The following FUT8 variants were observed in gnomAD, a reference collection of about 807,000 sequenced individuals.
The protein encoded by FUT8 is fucosyltransferase 8, also known as alpha-(1,6)-fucosyltransferase.
A neutral mutation model predicts 71.3 loss-of-function variants in FUT8; 29 were observed. That is an observed-to-expected ratio of 0.41 (90% CI 0.30 to 0.55). The LOEUF (loss-of-function observed/expected upper bound fraction) is 0.55, where lower values mean the gene tolerates loss of function less well. FUT8 is among the 20% of genes least tolerant of loss of function. FUT8 has a pLI of 0.34. For synonymous variants in FUT8, 254 were observed against 239.3 expected, an observed-to-expected ratio of 1.06 and a Z score of -0.57; for missense variants, 544 against 702.1, an observed-to-expected ratio of 0.77 and a Z score of 2.55.
chr14:65,611,301 A>ACACACACACACACACACCC (rs1434787404), intron 3 of FUT8, among the ~76,000 whole-genome samples: 1 of 38,592 alleles, frequency 2.6e-5, no homozygotes, highest in African/African-American at 1.4e-4. Flanking sequence ...ACACACACAC[A>ACACACACACACACACACCC]CCCCCCAAGT....
At chr14:65,486,397 T>C (rs926467969) in intron 2 of FUT8, among the ~76,000 whole-genome samples, 1 of 152,222 alleles carries the variant, frequency 6.6e-6, no homozygotes, top group Non-Finnish European at 1.5e-5. Context: ...AGGAGTACAA[T>C]TGTTTTAACT....
chr14:65,696,701 A>G (rs946694411), intron 7 of FUT8, among the ~76,000 whole-genome samples: 1 of 151,982 alleles, frequency 6.6e-6, no homozygotes, highest in Non-Finnish European at 1.5e-5. Flanking sequence ...CTCCCATTAC[A>G]TGTATGTCCA....
chr14:65,677,013 T>C (rs543380722), intron 7 of FUT8, among the ~76,000 whole-genome samples: 17 of 152,188 alleles, frequency 1.1e-4, no homozygotes, highest in African/African-American at 2.9e-4. Flanking sequence ...CCGTGATCTT[T>C]AGTGGAGTTA....
chr14:65,618,026 T>A (rs1229890935), intron 5 of FUT8, among the ~76,000 whole-genome samples: 1 of 74,738 alleles, frequency 1.3e-5, no homozygotes, highest in Non-Finnish European at 2.5e-5. Context: ...TATATATATA[T>A]ATATATATAT....
intron 3 of FUT8, among the ~76,000 whole-genome samples, chr14:65,593,967 C>T (rs1887827353): frequency 6.6e-6 from 1 of 152,250 alleles, no homozygotes; most frequent in Non-Finnish European, 1.5e-5. Context: ...ACCTTGGCCT[C>T]CCAAAGTGCT....
chr14:65,441,235 G>C (rs1216664094), intron 1 of FUT8, among the ~76,000 whole-genome samples: 1 of 152,148 alleles, frequency 6.6e-6, no homozygotes, highest in African/African-American at 2.4e-5. Flanking sequence ...CTACTGTAGA[G>C]GATGTTTGTG....
the FUT8 span, among the ~76,000 whole-genome samples, chr14:65,364,853 T>C: frequency 6.6e-6 from 1 of 152,154 alleles, no homozygotes; most frequent in Non-Finnish European, 1.5e-5. Flanking sequence ...TTAACTTCAT[T>C]TTCCGCAGTG....
intron 2 of FUT8, among the ~76,000 whole-genome samples, chr14:65,526,605 A>G (rs1234507956): frequency 2.6e-5 from 4 of 152,142 alleles, no homozygotes; most frequent in Admixed American, 6.5e-5. Flanking sequence ...TCCTGTCATT[A>G]TGATGTTAGC....
At chr14:65,733,897 A>G (rs994354132) in intron 10 of FUT8, among the ~76,000 whole-genome samples, 1 of 152,194 alleles carries the variant, frequency 6.6e-6, no homozygotes, top group Non-Finnish European at 1.5e-5. Flanking sequence ...TTTAAGCAAT[A>G]TAATATCACA....
intron 1 of FUT8, among the ~76,000 whole-genome samples, chr14:65,419,834 A>G (rs966633864): frequency 1.3e-5 from 2 of 152,206 alleles, no homozygotes; most frequent in Non-Finnish European, 2.9e-5. Context: ...CAACAGCGTG[A>G]GAAATGTAGA....
rs149553178 is a variant in FUT8, at chr14:65,700,797, A to G, written c.836-20978A>G. ...ATTTGGATTTTTGTAAGCTTTGAAC[A>G]TACTGCCTCTCAGCGTTCATCTTTT... On this transcript the variant is annotated intron_variant, in intron 7 of 10. Transcript: ENST00000673929. Among the ~76,000 whole-genome samples, 281 of 152,330 alleles carry G rather than the reference A, an allele frequency of 1.8e-3. 3 individuals are homozygous for G. The East Asian group carries it at 0.036, about 20-fold the overall frequency.
chr14:65,515,029 G>T (rs1414435552), intron 2 of FUT8, among the ~76,000 whole-genome samples: 1 of 147,682 alleles, frequency 6.8e-6, no homozygotes, highest in Non-Finnish European at 1.5e-5. Context: ...CTTGGTTGTG[G>T]AATCAAATTA....
At chr14:65,665,380 C>G (rs2140360517) in intron 6 of FUT8, among the ~76,000 whole-genome samples, 1 of 152,152 alleles carries the variant, frequency 6.6e-6, no homozygotes, top group Middle Eastern at 3.4e-3. Flanking sequence ...ATGTATGCAA[C>G]TTTGAATTCA....
chr14:65,659,309 C>T (rs995590555), intron 6 of FUT8, among the ~76,000 whole-genome samples: 12 of 151,718 alleles, frequency 7.9e-5, no homozygotes, highest in Non-Finnish European at 1.0e-4. Flanking sequence ...ACAAAGACTC[C>T]GTCTTCGAGA....
chr14:65,508,491 G>GGTTTTT (rs1555366315), intron 2 of FUT8, among the ~76,000 whole-genome samples: 6 of 46,500 alleles, frequency 1.3e-4, no homozygotes, highest in East Asian at 1.0e-3. Context: ...AGTTGTTTGA[G>GGTTTTT]TTTTTTTTTT....
intron 7 of FUT8, among the ~76,000 whole-genome samples, chr14:65,715,974 C>CAAA (rs36028848): frequency 7.3e-4 from 93 of 126,996 alleles, no homozygotes; most frequent in African/African-American, 2.6e-3. Flanking sequence ...GACCCTCTCT[C>CAAA]AAAAAAAAAA....
chr14:65,688,957 T>G (rs1313497401), intron 7 of FUT8, among the ~76,000 whole-genome samples: 2 of 152,174 alleles, frequency 1.3e-5, no homozygotes, highest in East Asian at 3.8e-4. Context: ...AATTCCATCA[T>G]GGGAACTCTA....
the FUT8 span, among the ~76,000 whole-genome samples, chr14:65,376,758 T>G: frequency 6.6e-6 from 1 of 152,100 alleles, no homozygotes; most frequent in Non-Finnish European, 1.5e-5. Context: ...AGCAGACAAG[T>G]TCATCTTCAA....
rs559354148 is a variant in FUT8 at position 65,550,187 on chromosome 14, A to C, written c.-227-11150A>C. ...GAAACTTCCTCTCATGGTAGAAGGC[A>C]AAGGGGGAGCCAGCGTATCACATGG... On this transcript the variant is annotated intron_variant, in intron 2 of 10. Coordinates refer to ENST00000673929, the MANE Select transcript of FUT8 (RefSeq NM_001371533.1). The surrounding 1 kb of genome is among the most constrained non-coding windows in gnomAD (Gnocchi z 4.5). Among the ~76,000 whole-genome samples the C allele has an allele frequency of 6.6e-6, 1 of 152,296 alleles. No individual in the cohort carries two copies. Among genetic ancestry groups the C allele is most frequent in the Admixed American group, 6.5e-5 (1 of 15,304 alleles).
Sources: allele counts gnomAD v4.1 joint callset (sites outside exome capture counted in the v4.1 genomes callset), GRCh38; gene constraint gnomAD v4.1.1; non-coding constraint Gnocchi (gnomAD v3.1); transcripts MANE v1.5; gene names NCBI Gene and HGNC (gene_info 2026-07-23, HGNC 2026-07-21).